CDYL2: variants seen among roughly 807,000 people sequenced by gnomAD.
The protein encoded by CDYL2 is chromodomain Y like 2, also known as chromodomain Y-like protein 2.
Under a neutral mutation model 49.4 loss-of-function variants are expected in CDYL2, and 23 were observed. That is an observed-to-expected ratio of 0.47 (90% confidence interval 0.34 to 0.66). The LOEUF (loss-of-function observed/expected upper bound fraction) is 0.66. Among genes scored for constraint, CDYL2 ranks in the 30% least tolerant of loss-of-function variants. CDYL2 has a pLI of 0.01. For missense variants in CDYL2, 678 were observed against 656.4 expected (o/e 1.03, Z -0.36); for synonymous variants, 360 against 268.8 (o/e 1.34, Z -3.32).
At chr16:80,698,820 A>AC (rs1205582695) in intron 1 of CDYL2, among the ~76,000 whole-genome samples, 1 of 152,118 alleles carries the variant, frequency 6.6e-6, no homozygotes, top group African/African-American at 2.4e-5. Context: ...AGCCTGCAGA[A>AC]CCATCAACCA....
chr16:80,665,597 G>A (rs1011538440), intron 2 of CDYL2, among the ~76,000 whole-genome samples: 2 of 151,694 alleles, frequency 1.3e-5, no homozygotes, highest in African/African-American at 4.8e-5. Context: ...CCAGGCCAGA[G>A]ATGGAGATGT....
In CDYL2 at chr16:80,601,392, G is replaced by C. The variant is rs764004483; in HGVS notation, c.*2996C>G. The stretch of plus-strand genomic sequence containing the variant: ...CCACAGCTATTCTTTCAAACCCAAA[G>C]GTAATTGCAGGACGGGGCTGCCAAA... On this transcript the variant is annotated 3_prime_UTR_variant, in exon 7 of 7. Transcript: ENST00000570137. The C allele has an allele frequency of 6.6e-6, 1 of 152,146 alleles. No homozygotes were observed. Among genetic ancestry groups the C allele is most frequent in the South Asian group, 2.1e-4 (1 of 4,832 alleles). The allele number at this position is 152,146 out of a possible 1,614,324, so 9.4% of individuals were successfully genotyped here.
chr16:80,634,193 A>T (rs1597137738), intron 2 of CDYL2, among the ~76,000 whole-genome samples: 1 of 135,886 alleles, frequency 7.4e-6, no homozygotes, highest in Non-Finnish European at 1.5e-5. Context: ...AAAGACATAT[A>T]CACATATGTT....
intron 1 of CDYL2, among the ~76,000 whole-genome samples, chr16:80,803,729 C>G (rs1375577760): frequency 7.1e-6 from 1 of 141,176 alleles, no homozygotes; most frequent in Non-Finnish European, 1.6e-5. Flanking sequence ...CCCCGCCGGC[C>G]GCGGCGCGCC....
At chr16:80,781,003 T>C (rs1257301099) in intron 1 of CDYL2, among the ~76,000 whole-genome samples, 1 of 152,212 alleles carries the variant, frequency 6.6e-6, no homozygotes, top group Non-Finnish European at 1.5e-5. Flanking sequence ...TGACCGATAC[T>C]CACTTTGTCC....
chr16:80,759,470 C>G (rs1042348611), intron 1 of CDYL2, among the ~76,000 whole-genome samples: 1 of 152,110 alleles, frequency 6.6e-6, no homozygotes, highest in East Asian at 1.9e-4. Context: ...TGATTGTTAA[C>G]TATCGATGAG....
At chr16:80,735,864 C>A (rs1048787847) in intron 1 of CDYL2, among the ~76,000 whole-genome samples, 4 of 152,206 alleles carry the variant, frequency 2.6e-5, no homozygotes, top group African/African-American at 7.2e-5. Context: ...GGTCCCTAAC[C>A]AGCCTCCAAC....
At chr16:80,613,769 G>GATGTCTAGTAA (rs2142367025) in intron 4 of CDYL2, among the ~76,000 whole-genome samples, 1 of 152,308 alleles carries the variant, frequency 6.6e-6, no homozygotes, top group African/African-American at 2.4e-5. Flanking sequence ...AAAGACACAA[G>GATGTCTAGTAA]ATGTCTAGTA....
intron 1 of CDYL2, among the ~76,000 whole-genome samples, chr16:80,719,707 G>C (rs1165965796): frequency 6.6e-6 from 1 of 152,166 alleles, no homozygotes; most frequent in Non-Finnish European, 1.5e-5. Flanking sequence ...TCTCTACTGT[G>C]AACCCAGACA....
chr16:80,759,122 A>ATATATATATATATATATATATATATGGTT (rs1567597502), intron 1 of CDYL2, among the ~76,000 whole-genome samples: 28 of 127,826 alleles, frequency 2.2e-4, no homozygotes, highest in African/African-American at 9.0e-4. Context: ...ATATATATAT[A>ATATATATATATATATATATATATATGGTT]TATATATATA....
chr16:80,729,607 C>G (rs12149494), intron 1 of CDYL2, among the ~76,000 whole-genome samples: 41,553 of 151,888 alleles, frequency 0.27, 6,737 homozygotes, highest in Middle Eastern at 0.49. Flanking sequence ...AGACCTAATA[C>G]ACATCTACAG....
intron 2 of CDYL2, among the ~76,000 whole-genome samples, chr16:80,634,428 T>G (rs985685436): frequency 6.6e-6 from 1 of 152,040 alleles, no homozygotes; most frequent in South Asian, 2.1e-4. Context: ...TTCTCACACA[T>G]AGGTGGGAAT....
At chr16:80,776,454 C>T (rs1035046956) in intron 1 of CDYL2, among the ~76,000 whole-genome samples, 10 of 151,830 alleles carry the variant, frequency 6.6e-5, no homozygotes, top group Non-Finnish European at 1.0e-4. Flanking sequence ...TCATAGCAGC[C>T]GTCTGTAATA....
intron 1 of CDYL2, among the ~76,000 whole-genome samples, chr16:80,733,201 C>A (rs1461627924): frequency 6.6e-6 from 1 of 152,158 alleles, no homozygotes; most frequent in African/African-American, 2.4e-5. Context: ...AAGTTGGATT[C>A]ACAAAATCAG....
intron 1 of CDYL2, among the ~76,000 whole-genome samples, chr16:80,753,858 G>A (rs1467565727): frequency 1.3e-5 from 2 of 152,186 alleles, no homozygotes; most frequent in African/African-American, 2.4e-5. Flanking sequence ...CACAGATTGT[G>A]AGAAGATATT....
intron 1 of CDYL2, among the ~76,000 whole-genome samples, chr16:80,754,456 G>T (rs900384147): frequency 6.6e-6 from 1 of 152,202 alleles, no homozygotes; most frequent in Non-Finnish European, 1.5e-5. Flanking sequence ...TTTCTGCAGA[G>T]GAACTTTCCG....
intron 1 of CDYL2, among the ~76,000 whole-genome samples, chr16:80,787,173 G>A (rs371909444): frequency 5.3e-5 from 8 of 152,228 alleles, no homozygotes; most frequent in African/African-American, 1.9e-4. Flanking sequence ...AGGATATGCC[G>A]GGAGTCTAGT....
rs1567548693 is a variant in CDYL2 at position 80,633,061 on chromosome 16, C to T, written c.792G>A (p.Leu264=). Residue 264 remains leucine, a synonymous_variant, in exon 3 of 7, where the codon CTG becomes CTA. Coordinates refer to ENST00000570137, the MANE Select transcript of CDYL2 (RefSeq NM_152342.4). The part of the protein sequence containing the change: ...VRKEEGFTHI[L]LSSQTSDNNA... ...TGTTATCCGAGGTCTGACTGGACAG[C>T]AGGATGTGCGTGAACCCTTCTTCCT... 6.2e-7 allele frequency: 1 copy of T among 1,614,174 alleles called. No individual in the cohort carries two copies.
At chr16:80,773,381 A>G (rs890339452) in intron 1 of CDYL2, among the ~76,000 whole-genome samples, 9 of 152,332 alleles carry the variant, frequency 5.9e-5, no homozygotes, top group South Asian at 2.1e-4. Context: ...TAATCGGAAC[A>G]GAGATTTTTC....
Sources: allele counts gnomAD v4.1 joint callset (sites outside exome capture counted in the v4.1 genomes callset), GRCh38; gene constraint gnomAD v4.1.1; transcripts MANE v1.5; gene names NCBI Gene and HGNC (gene_info 2026-07-23, HGNC 2026-07-21).